Variants in BRINP1 observed in about 807,000 individuals in gnomAD.
BRINP1 encodes the protein BMP/retinoic acid inducible neural specific 1, also known as BMP/retinoic acid-inducible neural-specific protein 1.
Under a neutral mutation model 72.9 loss-of-function variants are expected in BRINP1, and 17 were observed. The ratio of observed to expected loss-of-function variants is 0.23; its 90% CI spans 0.16 to 0.35. The LOEUF (loss-of-function observed/expected upper bound fraction) is 0.35. Ranked by LOEUF, BRINP1 falls within the 10% of genes least tolerant of loss-of-function variation. The probability of loss-of-function intolerance (pLI) is 1.00; values close to 1 mark genes in which losing one functional copy is unlikely to be tolerated. For missense variants in BRINP1, 850 were observed against 1,001.6 expected, an observed-to-expected ratio of 0.85 and a Z score of 2.04; for synonymous variants, 418 against 378.5, an observed-to-expected ratio of 1.10 and a Z score of -1.21.
chr9:119,318,845 GTGTGTGT>G (rs1420916266), intron 1 of BRINP1, among the ~76,000 whole-genome samples: 7 of 37,898 alleles, frequency 1.8e-4, no homozygotes, highest in African/African-American at 3.1e-4. Context: ...AATGTGTGGG[GTGTGTGT>G]GTGTGTGTGT....
chr9:119,328,835 A>G (rs1831265559), intron 1 of BRINP1, among the ~76,000 whole-genome samples: 2 of 152,190 alleles, frequency 1.3e-5, no homozygotes, highest in South Asian at 4.1e-4. Flanking sequence ...GGAGCTGAGA[A>G]TGGTTCAAAC....
chr9:119,362,102 G>A (rs1319159921), intron 1 of BRINP1, among the ~76,000 whole-genome samples: 1 of 147,086 alleles, frequency 6.8e-6, no homozygotes, highest in Non-Finnish European at 1.5e-5. Flanking sequence ...ACAGGCGTGA[G>A]CCACCATGCC....
At chr9:119,200,322 T>C (rs1214811831) in intron 7 of BRINP1, among the ~76,000 whole-genome samples, 1 of 151,880 alleles carries the variant, frequency 6.6e-6, no homozygotes, top group African/African-American at 2.4e-5. Flanking sequence ...ATAAATAGAT[T>C]TAAAAAGGGA....
chr9:119,251,025 A>G (rs1029884600), intron 2 of BRINP1, among the ~76,000 whole-genome samples: 3 of 152,210 alleles, frequency 2.0e-5, no homozygotes, highest in African/African-American at 7.2e-5. Flanking sequence ...CCTGATTCAC[A>G]GAAAACTGGG....
intron 2 of BRINP1, among the ~76,000 whole-genome samples, chr9:119,250,725 C>T (rs1283872269): frequency 6.6e-6 from 1 of 152,132 alleles, no homozygotes; most frequent in African/African-American, 2.4e-5. Flanking sequence ...GTTGCTTTTG[C>T]TCAGTAACAA....
At chr9:119,261,120 G>C (rs556292390) in intron 2 of BRINP1, among the ~76,000 whole-genome samples, 1 of 152,286 alleles carries the variant, frequency 6.6e-6, no homozygotes, top group African/African-American at 2.4e-5. Flanking sequence ...CTGGGAAGTA[G>C]AGGGGTGCCT....
intron 1 of BRINP1, among the ~76,000 whole-genome samples, chr9:119,328,824 G>C (rs1314695377): frequency 5.3e-5 from 8 of 152,096 alleles, no homozygotes. Flanking sequence ...GACTTCTCAG[G>C]GGAGCTGAGA....
chr9:119,248,472 A>G (rs1830345749), intron 3 of BRINP1, among the ~76,000 whole-genome samples: 1 of 152,210 alleles, frequency 6.6e-6, no homozygotes, highest in Non-Finnish European at 1.5e-5. Flanking sequence ...GGGATGGGTA[A>G]GGCTGAGCAG....
rs1830352158 is a variant in BRINP1, at chr9:119,249,109, C to T, written c.260G>A (p.Arg87Lys). 1.2e-6 allele frequency: 2 copies of T among 1,614,040 alleles called. No individual in the cohort carries two copies. The highest frequency in any genetic ancestry group is 1.3e-5 in the African/African-American group (1 of 75,036). Residue 87 changes from arginine to lysine, a missense_variant, in exon 3 of 8, where the codon AGG (arginine) becomes AAG (lysine). By Grantham distance (26) the Arg-to-Lys change is conservative. Transcript: ENST00000265922. ...CACTGGATGGCGGACCAGATCTCTCCTCTCGATGGCTGTGTTCCTCACCTT... is the reference window on the plus strand; with the variant it reads ...CACTGGATGGCGGACCAGATCTCTCTTCTCGATGGCTGTGTTCCTCACCTT... ...RWKVRNTAIERRDLVRHPVPL... is the reference protein window; with the variant it reads ...RWKVRNTAIEKRDLVRHPVPL...
chr9:119,198,382 C>T (rs118053774), intron 7 of BRINP1, among the ~76,000 whole-genome samples: 3,234 of 152,296 alleles, frequency 0.021, 66 homozygotes, highest in Non-Finnish European at 0.034. Flanking sequence ...CTATTTTTCT[C>T]TCCATCACGC....
chr9:119,167,599 G>A lies in BRINP1; in HGVS notation c.1771C>T (p.Arg591Cys), dbSNP rs760997991. Residue 591 changes from arginine to cysteine, a missense_variant, in exon 8 of 8, where the codon CGT (arginine) becomes TGT (cysteine). Transcript: ENST00000265922. The surrounding 1 kb of genome is among the most constrained non-coding windows in gnomAD (Gnocchi z 4.3). ...EFGYPRWEKI[R>C]LQNSQCYNWT... ...TTGTAGCACTGGCTGTTTTGGAGACGGATCTTCTCCCAGCGTGGGTAGCCA... is the reference window on the plus strand; with the variant it reads ...TTGTAGCACTGGCTGTTTTGGAGACAGATCTTCTCCCAGCGTGGGTAGCCA... 2.5e-6 allele frequency: 4 copies of A among 1,614,124 alleles called. No homozygotes were observed. The highest frequency in any genetic ancestry group is 1.7e-5 in the Admixed American group (1 of 60,016).
intron 2 of BRINP1, among the ~76,000 whole-genome samples, chr9:119,269,404 C>T (rs189644452): frequency 1.3e-5 from 2 of 152,274 alleles, no homozygotes; most frequent in African/African-American, 4.8e-5. Flanking sequence ...ATTTCTTCCA[C>T]TTCATTTTTA....
chr9:119,341,638 T>C (rs1006282888), intron 1 of BRINP1, among the ~76,000 whole-genome samples: 3 of 152,202 alleles, frequency 2.0e-5, no homozygotes, highest in African/African-American at 7.2e-5. Context: ...AGGTAAGTGT[T>C]CTAAGCATGT....
At position 119,192,654 on chromosome 9, in the gene BRINP1, T is replaced by C. The variant is rs1829694547; in HGVS notation, c.1145+16065A>G. On this transcript the variant is annotated intron_variant, in intron 7 of 7. Coordinates refer to ENST00000265922, the MANE Select transcript of BRINP1 (RefSeq NM_014618.3). Reference sequence around the variant, plus strand: ...CCTTTCTATACAGTTGGTAGGAATGTAGATTGGTACAGCCATTATAGAAAA... The same window carrying C: ...CCTTTCTATACAGTTGGTAGGAATGCAGATTGGTACAGCCATTATAGAAAA... Among the ~76,000 whole-genome samples, 3 of 152,210 alleles carry C rather than the reference T, an allele frequency of 2.0e-5. No homozygotes were observed. In the South Asian group the frequency reaches 6.2e-4, roughly 32 times the overall value.
At chr9:119,210,256 A>C (rs942149368) in intron 6 of BRINP1, among the ~76,000 whole-genome samples, 1 of 152,224 alleles carries the variant, frequency 6.6e-6, no homozygotes, top group Non-Finnish European at 1.5e-5. Context: ...TTGTAGGAAA[A>C]AAGGCCAATG....
intron 2 of BRINP1, among the ~76,000 whole-genome samples, chr9:119,294,850 C>T (rs4837626): frequency 0.31 from 40,555 of 131,866 alleles, 6,211 homozygotes; most frequent in Non-Finnish European, 0.35. Flanking sequence ...AGTGACACTA[C>T]GTTAAAAAAA....
At chr9:119,366,121 G>T (rs1010267953) in intron 1 of BRINP1, among the ~76,000 whole-genome samples, 2 of 151,978 alleles carry the variant, frequency 1.3e-5, no homozygotes, top group Admixed American at 1.3e-4. Flanking sequence ...TGGTGTGGAG[G>T]TTCTCTTTTT....
At chr9:119,176,270 T>C (rs921903854) in intron 7 of BRINP1, among the ~76,000 whole-genome samples, 6 of 152,180 alleles carry the variant, frequency 3.9e-5, no homozygotes, top group Admixed American at 6.5e-5. Context: ...CCTAAGGCTG[T>C]CGTGCTGTGG....
chr9:119,258,989 G>T (rs551708239), intron 2 of BRINP1, among the ~76,000 whole-genome samples: 16 of 152,284 alleles, frequency 1.1e-4, no homozygotes, highest in African/African-American at 3.8e-4. Flanking sequence ...CCATTCTGGT[G>T]TCCCCATGTG....
Sources: allele counts gnomAD v4.1 joint callset (sites outside exome capture counted in the v4.1 genomes callset), GRCh38; gene constraint gnomAD v4.1.1; non-coding constraint Gnocchi (gnomAD v3.1); transcripts MANE v1.5; gene names NCBI Gene and HGNC (gene_info 2026-07-23, HGNC 2026-07-21).